Variants in MPHOSPH8 observed in about 807,000 individuals in gnomAD.
The protein encoded by MPHOSPH8 is M-phase phosphoprotein, mpp.
MPHOSPH8 carries 45 observed loss-of-function variants against 87.3 expected under a neutral mutation model. The ratio of observed to expected loss-of-function variants is 0.52; its 90% confidence interval spans 0.41 to 0.66. MPHOSPH8 has a LOEUF of 0.66. Ranked by LOEUF, MPHOSPH8 falls within the 30% of genes least tolerant of loss-of-function variation. The probability of loss-of-function intolerance (pLI) is 0.00; values close to 1 mark genes in which losing one functional copy is unlikely to be tolerated. For missense variants in MPHOSPH8, 883 were observed against 1,020.2 expected (o/e 0.87, Z 1.83); for synonymous variants, 366 against 376.9 (o/e 0.97, Z 0.33).
chr13:19,643,820 C>G (rs1169122937), intron 2 of MPHOSPH8, among the ~76,000 whole-genome samples: 1 of 152,066 alleles, frequency 6.6e-6, no homozygotes, highest in Non-Finnish European at 1.5e-5. Context: ...GTGGCACATC[C>G]CAGCCTCAAT....
chr13:19,658,626 G>A (rs750414410), intron 5 of MPHOSPH8, among the ~76,000 whole-genome samples: 7 of 152,218 alleles, frequency 4.6e-5, no homozygotes, highest in Admixed American at 6.5e-5. Context: ...GTTGGAAGCA[G>A]TGTATGTCCA....
intron 4 of MPHOSPH8, among the ~76,000 whole-genome samples, chr13:19,649,425 G>A (rs889169389): frequency 4.6e-5 from 7 of 152,158 alleles, no homozygotes; most frequent in African/African-American, 1.7e-4. Flanking sequence ...CCTGTCTGCT[G>A]TGTACCCAGA....
rs1450790733 is a variant in MPHOSPH8, at chr13:19,647,167, A to G, written c.1094A>G (p.Asn365Ser). The stretch of plus-strand genomic sequence containing the variant: ...AAAACTGTGCCTAAAAAGCAGAGGA[A>G]TCAAGACAGAAGCAAAAGTGCTGCA... ...EKKTVPKKQRNQDRSKSAAEL... is the reference protein window; with the variant it reads ...EKKTVPKKQRSQDRSKSAAEL... Residue 365 changes from asparagine (N) to serine (S), a missense_variant, in exon 3 of 14, where the codon AAT (asparagine) becomes AGT (serine). This residue lies in a region of MPHOSPH8 where 741 missense variants were observed against 841.5 expected (regional missense o/e 0.88). Coordinates refer to ENST00000361479, the MANE Select transcript of MPHOSPH8 (RefSeq NM_017520.4). The G allele has an allele frequency of 1.2e-6, 2 of 1,614,220 alleles. No individual in the cohort carries two copies. Among genetic ancestry groups the G allele is most frequent in the South Asian group, 2.2e-5 (2 of 91,082 alleles).
intron 1 of MPHOSPH8, among the ~76,000 whole-genome samples, chr13:19,638,044 T>C (rs1437764746): frequency 6.7e-6 from 1 of 149,588 alleles, no homozygotes; most frequent in East Asian, 2.0e-4. Context: ...GAGCTTGCAG[T>C]GAGCAGAGAT....
chr13:19,664,322 T>C (rs1875703881), intron 9 of MPHOSPH8, among the ~76,000 whole-genome samples: 1 of 151,970 alleles, frequency 6.6e-6, no homozygotes, highest in African/African-American at 2.4e-5. Context: ...AGAGGTGGCC[T>C]CTGCAAGCAT....
At chr13:19,652,827 T>C (rs1348671302) in intron 5 of MPHOSPH8, among the ~76,000 whole-genome samples, 1 of 152,094 alleles carries the variant, frequency 6.6e-6, no homozygotes, top group Non-Finnish European at 1.5e-5. Context: ...ATGTTCGAAC[T>C]GGGAGGAGCG....
chr13:19,636,401 A>G (rs1415964875), intron 1 of MPHOSPH8, among the ~76,000 whole-genome samples: 1 of 152,266 alleles, frequency 6.6e-6, no homozygotes, highest in Admixed American at 6.5e-5. Context: ...ATACATACAT[A>G]CACCACCATT....
At chr13:19,639,328 T>A (rs944096090) in intron 1 of MPHOSPH8, among the ~76,000 whole-genome samples, 3 of 151,832 alleles carry the variant, frequency 2.0e-5, no homozygotes, top group African/African-American at 7.3e-5. Flanking sequence ...TTTTTTCTTT[T>A]GAGATGGAAT....
rs150849833 is a variant in MPHOSPH8 at position 19,646,675 on chromosome 13, A to G, written c.602A>G (p.Lys201Arg). ...ESLVFDLRTK[K>R]RISEAKEELK... ...TTAGTTTTTGATTTAAGGACAAAGA[A>G]AAGAATTTCTGAAGCCAAAGAAGAA... Residue 201 changes from lysine (K) to arginine (R), a missense_variant, in exon 3 of 14, where the codon AAA (lysine) becomes AGA (arginine). By Grantham distance (26) the Lys-to-Arg change is conservative. Around this residue, in one of 3 missense-constraint regions of MPHOSPH8, gnomAD observed 741 missense variants for 841.5 expected, o/e 0.88. Coordinates refer to ENST00000361479, the MANE Select transcript of MPHOSPH8 (RefSeq NM_017520.4). 1,175 of 1,595,506 alleles carry G rather than the reference A, an allele frequency of 7.4e-4. 8 individuals are homozygous for G. The African/African-American group carries it at 0.013, about 18-fold the overall frequency.
intron 3 of MPHOSPH8, 98 bp from the exon 4 acceptor site, chr13:19,648,324 A>G: frequency 1.5e-6 from 1 of 688,214 alleles, no homozygotes. Context: ...TACAAGGGTG[A>G]TTCCCTGAAG....
At chr13:19,655,417 A>G (rs1241454629) in intron 5 of MPHOSPH8, among the ~76,000 whole-genome samples, 1 of 152,336 alleles carries the variant, frequency 6.6e-6, no homozygotes, top group South Asian at 2.1e-4. Context: ...GCAGTGAGCC[A>G]TGATAACACC....
At chr13:19,642,884 A>T (rs541654964) in intron 2 of MPHOSPH8, among the ~76,000 whole-genome samples, 1 of 152,184 alleles carries the variant, frequency 6.6e-6, no homozygotes, top group East Asian at 1.9e-4. Context: ...GTTAATAATA[A>T]TAGCAATAAC....
chr13:19,654,327 AG>A (rs936549729), intron 5 of MPHOSPH8, among the ~76,000 whole-genome samples: 6 of 152,118 alleles, frequency 3.9e-5, no homozygotes, highest in Non-Finnish European at 8.8e-5. Context: ...AGGGCCTGTC[AG>A]GGGGTAGGGG....
intron 1 of MPHOSPH8, 98 bp from the exon 2 acceptor site, chr13:19,642,017 A>C: frequency 2.4e-5 from 24 of 1,006,262 alleles, no homozygotes; most frequent in Non-Finnish European, 3.0e-5. Flanking sequence ...GCAATTTTCA[A>C]GTTCTTTCAT....
At position 19,659,108 on chromosome 13, in the gene MPHOSPH8, G is replaced by A; in HGVS notation, c.1690G>A (p.Ala564Thr). Residue 564 changes from alanine (A) to threonine (T), a missense_variant, in exon 6 of 14, where the codon GCA becomes ACA. Ala to Thr is a moderately conservative substitution (Grantham distance 58). Transcript: ENST00000361479. ...GKDENFAATDAIPSNVLRDAV... is the reference protein window; with the variant it reads ...GKDENFAATDTIPSNVLRDAV... ...AGATGAGAATTTTGCTGCAACAGAT[G>A]CAATTCCAAGTAGTGAGTAGTTTTG... 6.2e-7 allele frequency: 1 copy of A among 1,613,968 alleles called. No homozygotes were observed. Among genetic ancestry groups the A allele is most frequent in the East Asian group, 2.2e-5 (1 of 44,874 alleles).
chr13:19,646,923 T>C lies in MPHOSPH8; in HGVS notation c.850T>C (p.Ser284Pro). The C allele has an allele frequency of 2.5e-6, 4 of 1,599,610 alleles. No individual in the cohort carries two copies. Among genetic ancestry groups the C allele is most frequent in the Non-Finnish European group, 3.4e-6 (4 of 1,176,704 alleles). Residue 284 changes from serine to proline, a missense_variant, in exon 3 of 14, where the codon TCC becomes CCC. Around this residue, in one of 3 missense-constraint regions of MPHOSPH8, gnomAD observed 741 missense variants for 841.5 expected, o/e 0.88. Transcript: ENST00000361479. ...AGAGGATGACAGTGAAGGGCTACAT[T>C]CCGACAGCAGAGAAGAGAAACAAAA... is the stretch of plus-strand genomic sequence containing the variant. ...FPEDDSEGLHSDSREEKQNTK... is the reference protein window; with the variant it reads ...FPEDDSEGLHPDSREEKQNTK...
intron 9 of MPHOSPH8, among the ~76,000 whole-genome samples, chr13:19,665,487 G>A (rs747021337): frequency 6.6e-6 from 1 of 152,150 alleles, no homozygotes; most frequent in Non-Finnish European, 1.5e-5. Flanking sequence ...TGGGCCACTC[G>A]CTCTGTCCCG....
chr13:19,651,920 A>G (rs1874870776), intron 5 of MPHOSPH8, among the ~76,000 whole-genome samples: 1 of 151,524 alleles, frequency 6.6e-6, no homozygotes, highest in African/African-American at 2.4e-5. Context: ...CAACATGCTG[A>G]AACCCTGTCT....
At chr13:19,662,667 C>T (rs1183077736) in intron 8 of MPHOSPH8, among the ~76,000 whole-genome samples, 2 of 152,182 alleles carry the variant, frequency 1.3e-5, no homozygotes, top group African/African-American at 2.4e-5. Flanking sequence ...TATTAAAATA[C>T]TCTGATTAAA....
Sources: allele counts gnomAD v4.1 joint callset (sites outside exome capture counted in the v4.1 genomes callset), GRCh38; gene constraint gnomAD v4.1.1; regional missense constraint gnomAD v4.1.1; transcripts MANE v1.5; gene names NCBI Gene and HGNC (gene_info 2026-07-23, HGNC 2026-07-21).